DMD: variants seen among roughly 807,000 people sequenced by gnomAD.
The protein encoded by DMD is dystrophin.
DMD carries 63 observed loss-of-function variants against 330.1 expected under a neutral mutation model. The ratio of observed to expected loss-of-function variants is 0.19; its 90% CI spans 0.16 to 0.24. The LOEUF is 0.24. Among genes scored for constraint, DMD ranks in the 10% least tolerant of loss-of-function variants. The pLI, the probability that DMD is intolerant of heterozygous loss-of-function variation, is 1.00. For missense variants in DMD, 3,344 were observed against 2,684.1 expected (o/e 1.25, Z -5.43); for synonymous variants, 1,223 against 959.8 (o/e 1.27, Z -5.07).
At chrX:32,809,919 CAAAAAAAAAAAAAAA>C (rs55898363) in intron 6 of DMD, among the ~76,000 whole-genome samples, 3 of 28,660 alleles carry the variant, frequency 1.0e-4, no homozygotes, top group Admixed American at 6.6e-4. Context: ...TTGTTTCTAC[CAAAAAAAAAAAAAAA>C]AAAAAAAAAA....
chrX:33,237,751 T>G (rs1243281392), intron 1 of DMD, among the ~76,000 whole-genome samples: 8 of 112,437 alleles, frequency 7.1e-5, no homozygotes, highest in African/African-American at 2.6e-4. Context: ...ACATCACATT[T>G]CATACAAAAT....
chrX:32,159,726 G>A (rs769767073), intron 44 of DMD, among the ~76,000 whole-genome samples: 3 of 111,797 alleles, frequency 2.7e-5, no homozygotes, highest in Non-Finnish European at 5.6e-5. Flanking sequence ...ACATGAACCG[G>A]AGCAAAAGCT....
chrX:32,042,542 G>T (rs961631528), intron 44 of DMD, among the ~76,000 whole-genome samples: 2 of 110,982 alleles, frequency 1.8e-5, no homozygotes, highest in East Asian at 5.7e-4. Flanking sequence ...TGACACACGG[G>T]GATTATAATT....
intron 9 of DMD, 76 bp from the exon 10 acceptor site, chrX:32,645,228 G>T: frequency 9.4e-7 from 1 of 1,060,041 alleles, no homozygotes; most frequent in Non-Finnish European, 1.3e-6. Context: ...ATGATGAATC[G>T]AATGAAATAT....
chrX:32,517,028 T>C, intron 18 of DMD: 2 of 111,338 alleles, frequency 1.8e-5, no homozygotes, highest in East Asian at 2.8e-4. Flanking sequence ...TTCCAGAATA[T>C]ATATATATCT....
At chrX:31,444,228 A>G (rs1294203770) in intron 60 of DMD, among the ~76,000 whole-genome samples, 1 of 111,062 alleles carries the variant, frequency 9.0e-6, no homozygotes, top group East Asian at 2.8e-4. Context: ...TTTATGAATT[A>G]CCCAGCCCCA....
At chrX:32,492,705 A>G (rs1192018409) in intron 19 of DMD, among the ~76,000 whole-genome samples, 2 of 112,590 alleles carry the variant, frequency 1.8e-5, no homozygotes, top group Non-Finnish European at 3.8e-5. Context: ...ACTTTCTTAG[A>G]TTTATTAGCT....
chrX:31,136,431 A>C (rs965482720), intron 76 of DMD, among the ~76,000 whole-genome samples: 1 of 112,228 alleles, frequency 8.9e-6, no homozygotes, highest in African/African-American at 3.2e-5. Context: ...AAGAGGATCA[A>C]GATCCTGACA....
chrX:31,869,024 C>T (rs2093846257), intron 48 of DMD, among the ~76,000 whole-genome samples: 3 of 42,689 alleles, frequency 7.0e-5, no homozygotes, highest in South Asian at 1.8e-3. Context: ...TACCACTGCT[C>T]CTAAAAGAGA....
intron 9 of DMD, among the ~76,000 whole-genome samples, chrX:32,673,085 A>G (rs1165158826): frequency 1.8e-5 from 2 of 111,015 alleles, no homozygotes; most frequent in Non-Finnish European, 3.8e-5. Flanking sequence ...GCATATTTCA[A>G]GTTTTCTTGA....
chrX:32,557,544 A>ATAAGTTTTAATGGGCATGGAGGAATT (rs1414360464), intron 16 of DMD, among the ~76,000 whole-genome samples: 2 of 110,892 alleles, frequency 1.8e-5, no homozygotes, highest in Non-Finnish European at 3.8e-5. Context: ...GGAGTGATCA[A>ATAAGTTTTAATGGGCATGGAGGAATT]TAAGTTTTAA....
chrX:32,218,639 CT>C (rs1318010200), intron 43 of DMD, among the ~76,000 whole-genome samples: 3 of 112,166 alleles, frequency 2.7e-5, no homozygotes, highest in Non-Finnish European at 3.8e-5. Context: ...TAAACAGTTA[CT>C]AATAGCCAGG....
chrX:32,074,661 T>C (rs1389488515), intron 44 of DMD, among the ~76,000 whole-genome samples: 2 of 111,974 alleles, frequency 1.8e-5, no homozygotes, highest in African/African-American at 3.2e-5. Context: ...AACAGCGTAG[T>C]TGAGTAATTG....
At chrX:32,713,735 A>G (rs1425576331) in intron 7 of DMD, among the ~76,000 whole-genome samples, 1 of 112,002 alleles carries the variant, frequency 8.9e-6, no homozygotes, top group Non-Finnish European at 1.9e-5. Flanking sequence ...AAATATAGAT[A>G]CACAGAGAGT....
chrX:32,473,406 C>G (rs2040870413), intron 21 of DMD, among the ~76,000 whole-genome samples: 1 of 111,354 alleles, frequency 9.0e-6, no homozygotes, highest in African/African-American at 3.3e-5. Flanking sequence ...CATATTTAAA[C>G]AGATAATGGC....
chrX:31,216,375 C>T (rs1235103190), intron 64 of DMD, among the ~76,000 whole-genome samples: 1 of 112,155 alleles, frequency 8.9e-6, no homozygotes, highest in Non-Finnish European at 1.9e-5. Flanking sequence ...ACAGTATTTC[C>T]CCTGGGAGAT....
At chrX:32,721,295 T>C (rs576918000) in intron 7 of DMD, among the ~76,000 whole-genome samples, 7 of 110,971 alleles carry the variant, frequency 6.3e-5, no homozygotes, top group Middle Eastern at 4.6e-3. Flanking sequence ...CAATTTTCCA[T>C]AATGTCTGCT....
intron 1 of DMD, among the ~76,000 whole-genome samples, chrX:33,242,690 T>C (rs2052605370): frequency 8.9e-6 from 1 of 112,066 alleles, no homozygotes; most frequent in African/African-American, 3.2e-5. Context: ...ATAGCGGTTG[T>C]ATACTAGTCT....
chrX:31,191,407 A>G (rs2042339520), intron 67 of DMD, among the ~76,000 whole-genome samples: 1 of 111,743 alleles, frequency 8.9e-6, no homozygotes, highest in African/African-American at 3.3e-5. Flanking sequence ...TGTGGCTGAT[A>G]TGGTTTGGCT....
Sources: gnomAD v4.1 joint callset for allele counts (sites outside exome capture counted in the v4.1 genomes callset) on GRCh38, gnomAD v4.1.1 for gene constraint, MANE v1.5 for transcripts, NCBI Gene and HGNC (gene_info 2026-07-23, HGNC 2026-07-21) for gene names.